HNRNPA1: variants seen among roughly 807,000 people sequenced by gnomAD.
The protein encoded by HNRNPA1 is epididymis secretory sperm binding protein.
Under a neutral mutation model 44.4 loss-of-function variants are expected in HNRNPA1, and 7 were observed. That is an observed-to-expected ratio of 0.16 (90% CI 0.09 to 0.30). The LOEUF (loss-of-function observed/expected upper bound fraction) is 0.30. Ranked by LOEUF, HNRNPA1 falls within the 10% of genes least tolerant of loss-of-function variation. HNRNPA1 has a pLI of 1.00. For synonymous variants in HNRNPA1, 169 were observed against 160.6 expected (o/e 1.05, Z -0.40); for missense variants, 193 against 465.8 (o/e 0.41, Z 5.39).
chr12:54,282,800 G>T lies in HNRNPA1; in HGVS notation c.677G>T (p.Gly226Val). ...TAAAACTTGAAACTTTTTCTTACAG[G>T]TGGCTTTGGTGGCAGCCGTGGTGGT... is the stretch of plus-strand genomic sequence containing the variant. ...FGRGGNFSGRGGFGGSRGGGG... is the reference protein window; with the variant it reads ...FGRGGNFSGRVGFGGSRGGGG... The change falls in exon 7 of 11, where the codon GGT becomes GTT. Residue 226 changes from glycine (G) to valine (V), a missense_variant and splice_region_variant. Gly to Val is a moderately radical substitution (Grantham distance 109). Around this residue, in one of 2 missense-constraint regions of HNRNPA1, gnomAD observed 136 missense variants for 234.4 expected, o/e 0.58. Transcript: ENST00000340913. 6.4e-7 allele frequency: 1 copy of T among 1,552,536 alleles called. No homozygotes were observed. Among genetic ancestry groups the T allele is most frequent in the African/African-American group, 1.4e-5 (1 of 73,170 alleles).
At chr12:54,283,033 A>G (rs1434101652) in intron 7 of HNRNPA1, 46 bp from the exon 8 acceptor site, 5 of 1,598,858 alleles carry the variant, frequency 3.1e-6, no homozygotes, top group African/African-American at 2.7e-5. Context: ...ACAAGTTTTC[A>G]TTGTCAAATA....
At position 54,281,976 on chromosome 12, in the gene HNRNPA1, T is replaced by C. The variant is rs1488375280; in HGVS notation, c.279+35T>C. ...TTTTTTTTCTTCTTCTTCTTAAACT[T>C]ACTTGGATATGTGCTGCTATGGACT... On this transcript the variant is annotated intron_variant, in intron 3 of 10. Coordinates refer to ENST00000340913, the MANE Select transcript of HNRNPA1 (RefSeq NM_031157.4). 4 of 1,610,804 alleles carry C rather than the reference T, an allele frequency of 2.5e-6. No individual in the cohort carries two copies. In the African/African-American group the frequency reaches 5.3e-5, roughly 22 times the overall value.
intron 4 of HNRNPA1, 23 bp from the exon 5 acceptor site, chr12:54,282,371 T>C: frequency 6.2e-7 from 1 of 1,610,684 alleles, no homozygotes; most frequent in Non-Finnish European, 8.5e-7. Flanking sequence ...TGATACCATG[T>C]TGTATCTATG....
chr12:54,283,340 T>A, intron 8 of HNRNPA1, 106 bp downstream of exon 8: 1 of 1,276,756 alleles, frequency 7.8e-7, no homozygotes, highest in Non-Finnish European at 1.1e-6. Context: ...CATGGTATAT[T>A]AAAAACAAAT....
chr12:54,287,043 A>G lies in HNRNPA1; in HGVS notation c.*2499A>G, dbSNP rs1299162072. The G allele has an allele frequency of 2.0e-5, 3 of 148,958 alleles. No homozygotes were observed. Among genetic ancestry groups the G allele is most frequent in the Non-Finnish European group, 4.5e-5 (3 of 67,328 alleles). 9.2% of individuals were successfully genotyped at this position (148,958 alleles called of 1,614,324 possible). ...TGAGCTGTTCTGCAGCTCAAATTCC[A>G]TTTTGTGAATGGGTTTTTTTTTTTA... On this transcript the variant is annotated 3_prime_UTR_variant, in exon 11 of 11. Coordinates refer to ENST00000340913, the MANE Select transcript of HNRNPA1 (RefSeq NM_031157.4).
chr12:54,284,087 A>C (rs1459014223), intron 9 of HNRNPA1, 120 bp downstream of exon 9: 2 of 1,348,208 alleles, frequency 1.5e-6, no homozygotes, highest in Non-Finnish European at 2.0e-6. Flanking sequence ...AACCTTCAGA[A>C]AGTGATAATT....
rs1944250904 is a variant in HNRNPA1 at position 54,285,550 on chromosome 12, CTA to C, written c.*1009_*1010del. ...GGCCTTCAGAGGTTCTATCAGTTAA[CTA>C]TACTAATTAATTTGGAGATTCAAAC... On this transcript the variant is annotated 3_prime_UTR_variant, in exon 11 of 11. Coordinates refer to ENST00000340913, the MANE Select transcript of HNRNPA1 (RefSeq NM_031157.4). 1 of 152,120 alleles carries C rather than the reference CTA, an allele frequency of 6.6e-6. No individual in the cohort carries two copies. The highest frequency in any genetic ancestry group is 1.5e-5 in the Non-Finnish European group (1 of 68,038). 9.4% of individuals were successfully genotyped at this position (152,120 alleles called of 1,614,324 possible).
rs1230958862 is a variant in HNRNPA1 at position 54,286,923 on chromosome 12, ATACTT to A, written c.*2383_*2387del. On this transcript the variant is annotated 3_prime_UTR_variant, in exon 11 of 11. Coordinates refer to ENST00000340913, the MANE Select transcript of HNRNPA1 (RefSeq NM_031157.4). ...TAGTCATTCACCTCTGCTTATATGA[ATACTT>A]TACAACCTCTTTTGCCTTTTGCAGG... The A allele has an allele frequency of 2.0e-5, 3 of 152,228 alleles. No homozygotes were observed. The highest frequency in any genetic ancestry group is 4.8e-5 in the African/African-American group (2 of 41,462). The allele number at this position is 152,228 out of a possible 1,614,324, so 9.4% of individuals were successfully genotyped here.
In HNRNPA1 at chr12:54,282,295, T is replaced by A; in HGVS notation, c.485T>A (p.Ile162Asn). 1 of 1,613,878 alleles carries A rather than the reference T, an allele frequency of 6.2e-7. No homozygotes were observed. The highest frequency in any genetic ancestry group is 8.5e-7 in the Non-Finnish European group (1 of 1,179,940). The change falls in exon 4 of 11, where the codon ATT becomes AAT. Residue 162 changes from isoleucine (I) to asparagine (N), a missense_variant. Ile to Asn is a moderately radical substitution (Grantham distance 149). Coordinates refer to ENST00000340913, the MANE Select transcript of HNRNPA1 (RefSeq NM_031157.4). ...TFDDHDSVDK[I>N]VIQKYHTVNG... ...GACGACCATGACTCCGTGGATAAGA[T>A]TGTCAGTAAGTATCAGATAGTGGCA... is the stretch of plus-strand genomic sequence containing the variant.
intron 2 of HNRNPA1, 67 bp downstream of exon 2, chr12:54,281,569 T>C (rs983312960): frequency 2.6e-6 from 3 of 1,156,168 alleles, no homozygotes; most frequent in African/African-American, 3.1e-5. Flanking sequence ...TGCAGTCTTC[T>C]CCGAATGCTT....
At chr12:54,281,754 G>A (rs779433630) in intron 2 of HNRNPA1, 41 bp from the exon 3 acceptor site, 26 of 1,579,962 alleles carry the variant, frequency 1.6e-5, no homozygotes, top group South Asian at 1.6e-4. Flanking sequence ...AAAAGCTTTT[G>A]CGGTCAGACT....
chr12:54,280,843 C>T (rs1341665759), intron 1 of HNRNPA1, 21 bp downstream of exon 1: 3 of 1,613,894 alleles, frequency 1.9e-6, no homozygotes, highest in Non-Finnish European at 2.5e-6. Flanking sequence ...CGCGCTTTCC[C>T]ACTTGAATTT....
intron 9 of HNRNPA1, 88 bp from the exon 10 acceptor site, chr12:54,284,170 G>T: frequency 7.0e-7 from 1 of 1,438,102 alleles, no homozygotes; most frequent in Non-Finnish European, 9.6e-7. Flanking sequence ...TAAATGGCCA[G>T]ACACTTGAAT....
intron 9 of HNRNPA1, 135 bp downstream of exon 9, chr12:54,284,102 C>G: frequency 2.3e-6 from 3 of 1,300,908 alleles, no homozygotes; most frequent in Non-Finnish European, 3.2e-6. Context: ...ATAATTTGAT[C>G]ACAAATTAGA....
chr12:54,281,001 T>C (rs991216439), intron 1 of HNRNPA1, 179 bp downstream of exon 1: 14 of 735,216 alleles, frequency 1.9e-5, no homozygotes, highest in African/African-American at 1.7e-4. Context: ...ATGAGGCCGC[T>C]CTCCGCCAAC....
chr12:54,284,794 A>G lies in HNRNPA1; in HGVS notation c.*250A>G. 1 of 352,374 alleles carries G rather than the reference A, an allele frequency of 2.8e-6. No homozygotes were observed. The highest frequency in any genetic ancestry group is 5.6e-6 in the Non-Finnish European group (1 of 179,850). 21.8% of individuals were successfully genotyped at this position (352,374 alleles called of 1,614,324 possible). A position where few individuals can be genotyped will look rare whatever the true frequency, so the allele number is the denominator to read the frequency against. Reference sequence around the variant, plus strand: ...GTAAAGCATTCCAACAAAGGGTTTTAATGTAGATTTTTTTTTTTGCACCCC... The same window carrying G: ...GTAAAGCATTCCAACAAAGGGTTTTGATGTAGATTTTTTTTTTTGCACCCC... On this transcript the variant is annotated 3_prime_UTR_variant, in exon 11 of 11. Transcript: ENST00000340913.
chr12:54,281,270 C>T (rs1249658570), intron 1 of HNRNPA1, 116 bp from the exon 2 acceptor site: 15 of 730,962 alleles, frequency 2.1e-5, no homozygotes, highest in Admixed American at 1.9e-4. Context: ...TGTCTTGTTG[C>T]GACCTGAACG....
Position 54,281,956 on chromosome 12 carries a change from T to TTC in HNRNPA1, c.279+16_279+17insCT. On this transcript the variant is annotated intron_variant, in intron 3 of 10. Transcript: ENST00000340913. ...TCTCCAGAGAAGTGAGTGGGTTTTT[T>TTC]TTCTTCTTCTTCTTAAACTTACTTG... The TTC allele has an allele frequency of 1.2e-6, 2 of 1,612,166 alleles. No homozygotes were observed. Among genetic ancestry groups the TTC allele is most frequent in the Non-Finnish European group, 1.7e-6 (2 of 1,179,844 alleles).
chr12:54,281,733 G>A, intron 2 of HNRNPA1, 62 bp from the exon 3 acceptor site: 1 of 1,541,176 alleles, frequency 6.5e-7, no homozygotes, highest in Non-Finnish European at 8.8e-7. Context: ...CCTATTCAAA[G>A]TTAAAATGAC....
Sources: allele counts gnomAD v4.1 joint callset, GRCh38; gene constraint gnomAD v4.1.1; regional missense constraint gnomAD v4.1.1; transcripts MANE v1.5; gene names NCBI Gene and HGNC (gene_info 2026-07-23, HGNC 2026-07-21).